BIRC6: variants seen among roughly 807,000 people sequenced by gnomAD.
BIRC6 encodes dual E2 ubiquitin-conjugating enzyme/E3 ubiquitin-protein ligase BIRC6.
BIRC6 carries 98 observed loss-of-function variants against 503.3 expected under a neutral mutation model. That is an observed-to-expected ratio of 0.19 (90% CI 0.17 to 0.23). The LOEUF is 0.23. Among genes scored for constraint, BIRC6 ranks in the 10% least tolerant of loss-of-function variants. The pLI is 1.00. For missense variants in BIRC6, 5,360 were observed against 5,806.0 expected, an observed-to-expected ratio of 0.92 and a Z score of 2.50; for synonymous variants, 2,240 against 2,078.7, an observed-to-expected ratio of 1.08 and a Z score of -2.11.
intron 23 of BIRC6, among the ~76,000 whole-genome samples, chr2:32,456,713 CTA>C (rs554534728): frequency 1.5e-3 from 227 of 152,236 alleles, no homozygotes; most frequent in Non-Finnish European, 2.9e-3. Context: ...GAAGTGTACT[CTA>C]TATATCCTTT....
Position 32,525,740 on chromosome 2 carries a change from G to A in BIRC6, c.11920+112G>A, listed in dbSNP as rs892737207. On this transcript the variant is annotated intron_variant, in intron 59 of 73. Transcript: ENST00000421745. ...TAATCAGGTGCCATTGATGAGATCA[G>A]TGAGTTAGTGAGACTTCTTCCATAC... 12 of 1,003,026 alleles carry A rather than the reference G, an allele frequency of 1.2e-5. No individual in the cohort carries two copies. In the South Asian group the frequency reaches 1.4e-4, roughly 11 times the overall value. 62.1% of individuals were successfully genotyped at this position (1,003,026 alleles called of 1,614,324 possible). A position where few individuals can be genotyped will look rare whatever the true frequency, so the allele number is the denominator to read the frequency against.
chr2:32,501,846 G>C lies in BIRC6; in HGVS notation c.9165G>C (p.Gln3055His), dbSNP rs201965023. 1.9e-6 allele frequency: 3 copies of C among 1,613,694 alleles called. No homozygotes were observed. The highest frequency in any genetic ancestry group is 2.5e-6 in the Non-Finnish European group (3 of 1,179,794). Residue 3055 changes from glutamine to histidine, a missense_variant, in exon 47 of 74, where the codon CAG becomes CAC. Coordinates refer to ENST00000421745, the MANE Select transcript of BIRC6 (RefSeq NM_016252.4). Reference protein sequence around the residue: ...KKASTVHMMLQPILTYMACGY... With the variant: ...KKASTVHMMLHPILTYMACGY... ...CTTCTACAGTCCACATGATGCTGCA[G>C]CCAATTTTAACATACATGGCCTGTG... is the stretch of plus-strand genomic sequence containing the variant.
intron 65 of BIRC6, among the ~76,000 whole-genome samples, chr2:32,572,787 A>G (rs1322166002): frequency 6.6e-6 from 1 of 152,234 alleles, no homozygotes; most frequent in African/African-American, 2.4e-5. Flanking sequence ...TGTCCTCTGC[A>G]TCATCACTGG....
rs552043950 is a variant in BIRC6, at chr2:32,595,087, T to C, written c.13555T>C (p.Ser4519Pro). The change falls in exon 68 of 74, where the codon TCA (serine) becomes CCA (proline). Residue 4519 changes from serine (S) to proline (P), a missense_variant. Physicochemically the swap from Ser to Pro is moderately conservative, Grantham distance 74. Transcript: ENST00000421745. ...KKAAMKPKPL[S>P]VLKSLEEKYV... ...GGCGGCTATGAAACCCAAACCTTTGTCAGTATTAAAGTCACTTGAAGAAAA... is the reference window on the plus strand; with the variant it reads ...GGCGGCTATGAAACCCAAACCTTTGCCAGTATTAAAGTCACTTGAAGAAAA... The C allele has an allele frequency of 6.2e-7, 1 of 1,602,542 alleles. No homozygotes were observed. Among genetic ancestry groups the C allele is most frequent in the African/African-American group, 1.3e-5 (1 of 74,414 alleles).
intron 12 of BIRC6, among the ~76,000 whole-genome samples, chr2:32,432,130 T>C (rs949593801): frequency 6.6e-6 from 1 of 151,856 alleles, no homozygotes; most frequent in Admixed American, 6.6e-5. Context: ...AAGAGGTAGC[T>C]GGGTGCCAGG....
Position 32,490,116 on chromosome 2 carries a change from A to G in BIRC6, c.8171A>G (p.His2724Arg). Residue 2724 changes from histidine to arginine, a missense_variant, in exon 43 of 74, where the codon CAT becomes CGT. Around this residue, in one of 16 missense-constraint regions of BIRC6, gnomAD observed 2,299 missense variants for 2,267.2 expected, o/e 1.01. Coordinates refer to ENST00000421745, the MANE Select transcript of BIRC6 (RefSeq NM_016252.4). ...TLLRTWCLVL[H>R]SLTLMTNMQL... The stretch of plus-strand genomic sequence containing the variant: ...CTCCGGACATGGTGCCTTGTGCTTC[A>G]TAGCCTAACACTCATGACAAACATG... The G allele has an allele frequency of 6.2e-7, 1 of 1,612,914 alleles. No homozygotes were observed. Among genetic ancestry groups the G allele is most frequent in the Non-Finnish European group, 8.5e-7 (1 of 1,178,894 alleles).
chr2:32,525,919 C>T (rs551175510), intron 59 of BIRC6, among the ~76,000 whole-genome samples: 1 of 152,088 alleles, frequency 6.6e-6, no homozygotes, highest in Non-Finnish European at 1.5e-5. Context: ...TTAGAGAGTT[C>T]ATGACAAGTT....
chr2:32,447,549 C>T (rs1195150101), intron 21 of BIRC6, among the ~76,000 whole-genome samples: 3 of 119,108 alleles, frequency 2.5e-5, no homozygotes, highest in Non-Finnish European at 3.5e-5. Flanking sequence ...CCAGTAGGGG[C>T]GGCCGGGCAG....
At chr2:32,409,670 T>C (rs951928676) in intron 9 of BIRC6, among the ~76,000 whole-genome samples, 2 of 152,296 alleles carry the variant, frequency 1.3e-5, no homozygotes, top group East Asian at 1.9e-4. Flanking sequence ...AAATTGAAAT[T>C]TGAGTTTTAA....
chr2:32,509,859 T>G lies in BIRC6; in HGVS notation c.10102T>G (p.Ser3368Ala). The change falls in exon 52 of 74, where the codon TCA becomes GCA. Residue 3368 changes from serine to alanine, a missense_variant. Physicochemically the swap from Ser to Ala is moderately conservative, Grantham distance 99. Coordinates refer to ENST00000421745, the MANE Select transcript of BIRC6 (RefSeq NM_016252.4). ...LLQTCAALLM[S>A]PYCGMHSPNI... is the part of the protein sequence containing the mutation. ...GCAGACTTGTGCGGCCTTATTGATG[T>G]CACCTTACTGTGGAATGCATTCACC... 6.2e-7 allele frequency: 1 copy of G among 1,614,022 alleles called. No individual in the cohort carries two copies. Among genetic ancestry groups the G allele is most frequent in the Non-Finnish European group, 8.5e-7 (1 of 1,179,882 alleles).
At chr2:32,365,601 G>A (rs1048894736) in intron 1 of BIRC6, among the ~76,000 whole-genome samples, 3 of 152,126 alleles carry the variant, frequency 2.0e-5, no homozygotes, top group African/African-American at 7.2e-5. Context: ...TTACAAGTGT[G>A]AGCCACCGTG....
At chr2:32,525,129 C>A in intron 58 of BIRC6, 110 bp downstream of exon 58, 1 of 981,760 alleles carries the variant, frequency 1.0e-6, no homozygotes, top group Non-Finnish European at 1.4e-6. Context: ...AAAAAGCTGA[C>A]TCGTAATGAT....
At chr2:32,442,481 A>G (rs2045535260) in intron 19 of BIRC6, 26 bp downstream of exon 19, 1 of 1,572,580 alleles carries the variant, frequency 6.4e-7, no homozygotes, top group Non-Finnish European at 8.6e-7. Context: ...AGTTGAAAGC[A>G]TACTTTCTAG....
chr2:32,423,350 A>G (rs969870229), intron 10 of BIRC6, among the ~76,000 whole-genome samples: 2 of 152,174 alleles, frequency 1.3e-5, no homozygotes, highest in African/African-American at 4.8e-5. Flanking sequence ...TACAGCATGT[A>G]ATGTAGTGGC....
Position 32,547,967 on chromosome 2 carries a change from T to C in BIRC6, c.12928T>C (p.Leu4310=). Residue 4310 remains leucine (L), a synonymous_variant, in exon 64 of 74, where the codon TTA becomes CTA. Transcript: ENST00000421745. ...TASGWDVEQA[L]TKQRLEEEHV... ...TTCTGGGTGGGATGTGGAACAAGCC[T>C]TAACTAAGCAAAGGCTGGAAGAGGA... is the stretch of plus-strand genomic sequence containing the variant. 1 of 1,612,514 alleles carries C rather than the reference T, an allele frequency of 6.2e-7. No homozygotes were observed. The highest frequency in any genetic ancestry group is 1.3e-5 in the African/African-American group (1 of 74,958).
At chr2:32,518,671 A>G (rs2055325514) in intron 56 of BIRC6, 146 bp from the exon 57 acceptor site, 2 of 1,071,704 alleles carry the variant, frequency 1.9e-6, no homozygotes, top group Non-Finnish European at 2.6e-6. Flanking sequence ...TTGACCAACA[A>G]ATCATGGCAA....
At chr2:32,369,275 T>C (rs149628907) in intron 1 of BIRC6, among the ~76,000 whole-genome samples, 2 of 152,312 alleles carry the variant, frequency 1.3e-5, no homozygotes, top group East Asian at 1.9e-4. Flanking sequence ...TCAGGAGATA[T>C]CTGGCATCTA....
chr2:32,439,526 A>G lies in BIRC6; in HGVS notation c.3650A>G (p.Tyr1217Cys), dbSNP rs201171966. 5.3e-5 allele frequency: 85 copies of G among 1,613,570 alleles called. No homozygotes were observed. In the East Asian group the frequency reaches 1.9e-3, roughly 36 times the overall value. The change falls in exon 16 of 74, where the codon TAT becomes TGT. Residue 1217 changes from tyrosine (Y) to cysteine (C), a missense_variant. By Grantham distance (194) the Tyr-to-Cys change is radical (BLOSUM62 -2). This residue lies in a region of BIRC6 where 2,299 missense variants were observed against 2,267.2 expected (regional missense o/e 1.01). Coordinates refer to ENST00000421745, the MANE Select transcript of BIRC6 (RefSeq NM_016252.4). ...KLVKGMAGGK[Y>C]RSFLIHVKAV... ...TCTCTAGGTATGGCAGGAGGAAAAT[A>G]TCGTTCGTTTTTAATCCATGTCAAG... is the stretch of plus-strand genomic sequence containing the variant.
At chr2:32,604,222 C>G (rs538729939) in intron 71 of BIRC6, among the ~76,000 whole-genome samples, 1 of 152,318 alleles carries the variant, frequency 6.6e-6, no homozygotes, top group South Asian at 2.1e-4. Context: ...GATAACTTTA[C>G]TGTGATCCCT....
Sources: gnomAD v4.1 joint callset for allele counts (sites outside exome capture counted in the v4.1 genomes callset) on GRCh38, gnomAD v4.1.1 for gene constraint, gnomAD v4.1.1 regional missense constraint, MANE v1.5 for transcripts, NCBI Gene and HGNC (gene_info 2026-07-23, HGNC 2026-07-21) for gene names.